Variants in TSTD2 observed in about 807,000 individuals in gnomAD.
The protein encoded by TSTD2 is thiosulfate sulfurtransferase like domain containing 2.
A neutral mutation model predicts 47.9 loss-of-function variants in TSTD2; 37 were observed. The observed-to-expected ratio is 0.77, with a 90% CI of 0.59 to 1.02. TSTD2 has a LOEUF of 1.02. Ranked by LOEUF, TSTD2 falls within the 50% of genes least tolerant of loss-of-function variation. The pLI is 0.00. For synonymous variants in TSTD2, 201 were observed against 215.9 expected (o/e 0.93, Z 0.61); for missense variants, 586 against 616.0 (o/e 0.95, Z 0.52).
chr9:97,628,927 G>A (rs1475997232), intron 1 of TSTD2, among the ~76,000 whole-genome samples: 1 of 152,130 alleles, frequency 6.6e-6, no homozygotes, highest in Non-Finnish European at 1.5e-5. Flanking sequence ...ATTCCAGATT[G>A]GCCTCTGAGC....
intron 1 of TSTD2, among the ~76,000 whole-genome samples, chr9:97,632,429 G>A (rs1283911980): frequency 4.6e-5 from 7 of 151,990 alleles, no homozygotes; most frequent in Non-Finnish European, 1.0e-4. Context: ...CTGGAGTGCA[G>A]TGTGCGATCA....
chr9:97,620,991 AAAATGTCTCCAGGGC>A (rs1302721469), intron 3 of TSTD2, among the ~76,000 whole-genome samples: 19 of 152,202 alleles, frequency 1.2e-4, no homozygotes, highest in Admixed American at 1.2e-3. Flanking sequence ...GACAAAGGGG[AAAATGTCTCCAGGGC>A]ATGTCAGAGG....
In TSTD2 at chr9:97,600,304, T is replaced by C. The variant is rs1047527906; in HGVS notation, c.*2165A>G. The C allele has an allele frequency of 3.0e-6, 3 of 986,150 alleles. No individual in the cohort carries two copies. Among genetic ancestry groups the C allele is most frequent in the Non-Finnish European group, 2.4e-6 (2 of 830,192 alleles). The allele number at this position is 986,150 out of a possible 1,614,324, so 61.1% of individuals were successfully genotyped here. A position where few individuals can be genotyped will look rare whatever the true frequency, so the allele number is the denominator to read the frequency against. ...TCAACATGAGATTCCTTTTGCTGGA[T>C]ATGCAGAAATGATAGGAAAAAAACC... On this transcript the variant is annotated 3_prime_UTR_variant, in exon 10 of 10. Transcript: ENST00000341170.
chr9:97,625,615 T>C, intron 3 of TSTD2, 66 bp downstream of exon 3: 1 of 1,451,112 alleles, frequency 6.9e-7, no homozygotes. Context: ...ATGGGTGAAT[T>C]GTAGTATCTC....
rs1434649040 is a variant in TSTD2, at chr9:97,617,756, C to T, written c.603+1G>A. The T allele has an allele frequency of 2.5e-6, 4 of 1,612,658 alleles. No individual in the cohort carries two copies. Among genetic ancestry groups the T allele is most frequent in the Non-Finnish European group, 3.4e-6 (4 of 1,179,550 alleles). On this transcript the variant is annotated splice_donor_variant, in intron 4 of 9. Coordinates refer to ENST00000341170, the MANE Select transcript of TSTD2 (RefSeq NM_139246.5). LOFTEE classifies it high-confidence loss of function. ...GGAAGGAATATAGGAGAAGGTGTTA[C>T]CTTGCCTGTGAGGTGCAGGTGCTGA...
Position 97,602,238 on chromosome 9 carries a change from A to G in TSTD2, c.*231T>C. ...CCTCAGCAGCTTTGGGATCCCATGCAGCTCACCTATTTTCTGTGCTCTAGC... is the reference window on the plus strand; with the variant it reads ...CCTCAGCAGCTTTGGGATCCCATGCGGCTCACCTATTTTCTGTGCTCTAGC... On this transcript the variant is annotated 3_prime_UTR_variant, in exon 10 of 10. Transcript: ENST00000341170. The G allele has an allele frequency of 3.8e-6, 2 of 528,288 alleles. No homozygotes were observed. Among genetic ancestry groups the G allele is most frequent in the Non-Finnish European group, 6.5e-6 (2 of 306,788 alleles). The allele number at this position is 528,288 out of a possible 1,614,324, so 32.7% of individuals were successfully genotyped here. A position where few individuals can be genotyped will look rare whatever the true frequency, so the allele number is the denominator to read the frequency against.
intron 3 of TSTD2, among the ~76,000 whole-genome samples, chr9:97,624,458 TGA>T (rs2131316486): frequency 6.6e-6 from 1 of 152,268 alleles, no homozygotes; most frequent in East Asian, 1.9e-4. Flanking sequence ...TGCAAGTTCA[TGA>T]GAGACTCTGA....
chr9:97,601,708 G>A lies in TSTD2; in HGVS notation c.*761C>T, dbSNP rs1202517598. On this transcript the variant is annotated 3_prime_UTR_variant, in exon 10 of 10. Transcript: ENST00000341170. The stretch of plus-strand genomic sequence containing the variant: ...ATAGATCATGTGTAAAGGAATGGGT[G>A]TGGCTGTTCAATAAACTATACAGTT... The A allele has an allele frequency of 2.0e-5, 8 of 401,638 alleles. No homozygotes were observed. Among genetic ancestry groups the A allele is most frequent in the South Asian group, 1.0e-4 (1 of 9,824 alleles). 24.9% of individuals were successfully genotyped at this position (401,638 alleles called of 1,614,324 possible).
chr9:97,630,795 A>C (rs539125698), intron 1 of TSTD2, among the ~76,000 whole-genome samples: 1 of 152,342 alleles, frequency 6.6e-6, no homozygotes, highest in South Asian at 2.1e-4. Context: ...AATATTTGAA[A>C]ATTACATGAG....
intron 2 of TSTD2, among the ~76,000 whole-genome samples, chr9:97,627,097 C>CT (rs1826734730): frequency 6.6e-6 from 1 of 152,212 alleles, no homozygotes; most frequent in South Asian, 2.1e-4. Flanking sequence ...TAATTACCAA[C>CT]TTTTTTCTTC....
At chr9:97,625,137 C>A (rs1167660377) in intron 3 of TSTD2, among the ~76,000 whole-genome samples, 1 of 152,084 alleles carries the variant, frequency 6.6e-6, no homozygotes, top group Non-Finnish European at 1.5e-5. Flanking sequence ...CTGCCAGAAC[C>A]TTTCTATCAT....
intron 9 of TSTD2, 119 bp downstream of exon 9, chr9:97,604,608 C>T: frequency 7.1e-7 from 1 of 1,411,518 alleles, no homozygotes. Context: ...ACTTATTTTC[C>T]CTGCTTATTC....
At chr9:97,613,326 A>G (rs35164368) in intron 4 of TSTD2, among the ~76,000 whole-genome samples, 6,995 of 152,238 alleles carry the variant, frequency 0.046, 218 homozygotes, top group Non-Finnish European at 0.069. Flanking sequence ...CAAGTTCCAC[A>G]TGGGTGTGTG....
Position 97,600,117 on chromosome 9 carries a change from T to A in TSTD2, c.*2352A>T, listed in dbSNP as rs1438069658. 2 of 1,006,182 alleles carry A rather than the reference T, an allele frequency of 2.0e-6. No homozygotes were observed. Among genetic ancestry groups the A allele is most frequent in the African/African-American group, 3.4e-5 (2 of 58,100 alleles). 62.3% of individuals were successfully genotyped at this position (1,006,182 alleles called of 1,614,324 possible). ...ATTATAAAACACTTTATTACAAATT[T>A]GTCTTAGCTATTAGCAAATAAAACT... On this transcript the variant is annotated 3_prime_UTR_variant, in exon 10 of 10. Transcript: ENST00000341170.
intron 4 of TSTD2, among the ~76,000 whole-genome samples, chr9:97,617,537 T>TC (rs1564008693): frequency 6.6e-6 from 1 of 152,248 alleles, no homozygotes; most frequent in Non-Finnish European, 1.5e-5. Flanking sequence ...ATCTGGTTCT[T>TC]CAAGAAAAAG....
chr9:97,633,112 T>C (rs560273623), intron 1 of TSTD2, 131 bp downstream of exon 1: 2 of 153,602 alleles, frequency 1.3e-5, no homozygotes, highest in South Asian at 2.1e-4. Flanking sequence ...GGCCTTTCCA[T>C]ACCAAGGGGC....
At chr9:97,612,889 T>A (rs6478304) in intron 4 of TSTD2, among the ~76,000 whole-genome samples, 18,002 of 152,270 alleles carry the variant, frequency 0.12, 3,019 homozygotes, top group African/African-American at 0.37. Flanking sequence ...GGCATAGCCT[T>A]CAGTTCAGAT....
At chr9:97,605,354 A>G in intron 8 of TSTD2, 129 bp downstream of exon 8, 2 of 1,080,558 alleles carry the variant, frequency 1.9e-6, no homozygotes, top group Admixed American at 5.3e-5. Context: ...GAGCCATACG[A>G]GGGGTGAAGG....
intron 3 of TSTD2, among the ~76,000 whole-genome samples, chr9:97,620,974 T>A (rs1348927350): frequency 6.6e-6 from 1 of 152,164 alleles, no homozygotes; most frequent in African/African-American, 2.4e-5. Context: ...CAAATGTTAA[T>A]CCCAAAGACA....
Sources: allele counts gnomAD v4.1 joint callset (sites outside exome capture counted in the v4.1 genomes callset), GRCh38; gene constraint gnomAD v4.1.1; transcripts MANE v1.5; gene names NCBI Gene and HGNC (gene_info 2026-07-23, HGNC 2026-07-21).